CERS3: variants seen among roughly 807,000 people sequenced by gnomAD.
CERS3 encodes ceramide synthase 3.
CERS3 carries 33 observed loss-of-function variants against 50.3 expected under a neutral mutation model. The ratio of observed to expected loss-of-function variants is 0.66; its 90% CI spans 0.50 to 0.88. CERS3 has a LOEUF of 0.88. Ranked by LOEUF, CERS3 falls within the 40% of genes least tolerant of loss-of-function variation. The pLI, the probability that CERS3 is intolerant of heterozygous loss-of-function variation, is 0.00. For missense variants in CERS3, 470 were observed against 460.3 expected (o/e 1.02, Z -0.19); for synonymous variants, 176 against 155.2 (o/e 1.13, Z -0.99).
intron 3 of CERS3, among the ~76,000 whole-genome samples, chr15:100,499,374 CAAAAACA>C (rs2035930868): frequency 6.6e-6 from 1 of 152,040 alleles, no homozygotes; most frequent in Admixed American, 6.5e-5. Flanking sequence ...CACACACACA[CAAAAACA>C]AAAAACAAAA....
intron 10 of CERS3, among the ~76,000 whole-genome samples, chr15:100,463,435 G>GAAAAA (rs71151951): frequency 1.2e-4 from 11 of 92,632 alleles, no homozygotes; most frequent in African/African-American, 4.4e-4. Flanking sequence ...CTCTGTCTCA[G>GAAAAA]AAAAAAAAAA....
At chr15:100,529,146 C>G (rs2036877774), upstream of CERS3, 1 of 152,190 alleles carries the variant, frequency 6.6e-6, no homozygotes, top group Non-Finnish European at 1.5e-5. Context: ...ATCGTTGTTG[C>G]CTTTTGGTGC....
intron 1 of CERS3, among the ~76,000 whole-genome samples, chr15:100,523,174 GTCTA>G (rs772555124): frequency 5.3e-5 from 8 of 152,108 alleles, no homozygotes; most frequent in Non-Finnish European, 8.8e-5. Flanking sequence ...TGTTGTGGCG[GTCTA>G]TCTTTCAAAA....
intron 10 of CERS3, among the ~76,000 whole-genome samples, chr15:100,459,160 T>G (rs974159): frequency 6.6e-6 from 1 of 152,224 alleles, no homozygotes; most frequent in Admixed American, 6.5e-5. Flanking sequence ...ACCCCTACTA[T>G]GTATCACCAT....
intron 2 of CERS3, among the ~76,000 whole-genome samples, chr15:100,514,247 T>C (rs1022065265): frequency 4.6e-5 from 7 of 152,320 alleles, no homozygotes; most frequent in Admixed American, 3.3e-4. Flanking sequence ...AGTCAAACTA[T>C]TAAATACCAT....
chr15:100,487,283 G>A (rs544856971), intron 4 of CERS3, among the ~76,000 whole-genome samples: 1 of 152,204 alleles, frequency 6.6e-6, no homozygotes, highest in Middle Eastern at 3.2e-3. Context: ...CAGGCACAAA[G>A]TTAATGGTAC....
intron 2 of CERS3, among the ~76,000 whole-genome samples, chr15:100,513,619 C>T (rs2036413901): frequency 1.3e-5 from 2 of 150,114 alleles, no homozygotes; most frequent in Non-Finnish European, 1.5e-5. Context: ...CTCACTGAAG[C>T]CTTGACTTTC....
chr15:100,442,099 G>T (rs964049312), intron 11 of CERS3, among the ~76,000 whole-genome samples: 2 of 152,114 alleles, frequency 1.3e-5, no homozygotes, highest in African/African-American at 4.8e-5. Context: ...TAAAAAGGTG[G>T]CTGGAGAGCT....
At chr15:100,485,638 G>A (rs1329423460) in intron 4 of CERS3, among the ~76,000 whole-genome samples, 2 of 152,182 alleles carry the variant, frequency 1.3e-5, no homozygotes, top group Non-Finnish European at 2.9e-5. Flanking sequence ...CACTTTGGGA[G>A]GCCGAGAAGG....
chr15:100,522,577 T>C (rs2036668742), intron 1 of CERS3, among the ~76,000 whole-genome samples: 1 of 152,252 alleles, frequency 6.6e-6, no homozygotes, highest in Non-Finnish European at 1.5e-5. Context: ...TCCTGGCATC[T>C]GGATTCTTTC....
chr15:100,406,409 A>G (rs1223433633), intron 11 of CERS3, among the ~76,000 whole-genome samples: 1 of 152,200 alleles, frequency 6.6e-6, no homozygotes, highest in Non-Finnish European at 1.5e-5. Context: ...CTCAGCATAT[A>G]TGTAACCAAA....
At chr15:100,442,804 G>A (rs1310228642) in intron 11 of CERS3, among the ~76,000 whole-genome samples, 10 of 152,176 alleles carry the variant, frequency 6.6e-5, no homozygotes, top group South Asian at 6.2e-4. Context: ...AGACCATCAC[G>A]GACGCCGAGC....
chr15:100,423,296 C>G (rs2032584473), intron 11 of CERS3, among the ~76,000 whole-genome samples: 1 of 152,136 alleles, frequency 6.6e-6, no homozygotes, highest in African/African-American at 2.4e-5. Context: ...ATAAATTGTT[C>G]TACCAAAAAG....
At chr15:100,514,310 C>A (rs376677129) in intron 2 of CERS3, among the ~76,000 whole-genome samples, 32 of 152,264 alleles carry the variant, frequency 2.1e-4, no homozygotes, top group Non-Finnish European at 4.1e-4. Context: ...TCCTAAAATT[C>A]TTTAATTGAC....
intron 11 of CERS3, among the ~76,000 whole-genome samples, chr15:100,409,859 C>T (rs1324238266): frequency 6.6e-6 from 1 of 152,278 alleles, no homozygotes; most frequent in Admixed American, 6.5e-5. Flanking sequence ...ATCCAAAACC[C>T]TCTTTGAAGA....
chr15:100,479,667 T>C (rs565997232), intron 6 of CERS3, among the ~76,000 whole-genome samples, 189 bp from the exon 7 acceptor site: 1 of 152,308 alleles, frequency 6.6e-6, no homozygotes, highest in African/African-American at 2.4e-5. Context: ...GACTATTTCT[T>C]ACATATTCCT....
At chr15:100,477,232 G>C (rs888198073) in intron 7 of CERS3, among the ~76,000 whole-genome samples, 1 of 152,222 alleles carries the variant, frequency 6.6e-6, no homozygotes, top group Non-Finnish European at 1.5e-5. Context: ...ATATGAGTAA[G>C]TTGGAGACAG....
rs549131737 is a variant in CERS3 at position 100,442,250 on chromosome 15, C to T, written c.999+13643G>A. ...CCTGAGACACTTTACAGCCCTAGACCCTAAAAGGTCAAAAGGGCCGTCTTA... is the reference window on the plus strand; with the variant it reads ...CCTGAGACACTTTACAGCCCTAGACTCTAAAAGGTCAAAAGGGCCGTCTTA... On this transcript the variant is annotated intron_variant, in intron 11 of 11. Coordinates refer to ENST00000679737, the MANE Select transcript of CERS3 (RefSeq NM_001378789.1). 2.2e-3 allele frequency among the ~76,000 whole-genome samples: 334 copies of T among 152,232 alleles called. 2 individuals are homozygous for T. Among genetic ancestry groups the T allele is most frequent in the African/African-American group, 7.6e-3 (315 of 41,524 alleles).
intron 11 of CERS3, among the ~76,000 whole-genome samples, chr15:100,414,615 A>T (rs1384016639): frequency 1.3e-5 from 2 of 152,164 alleles, no homozygotes; most frequent in East Asian, 1.9e-4. Flanking sequence ...AGACCTCAGA[A>T]ATAATACCAC....
Sources: gnomAD v4.1 joint callset for allele counts (sites outside exome capture counted in the v4.1 genomes callset) on GRCh38, gnomAD v4.1.1 for gene constraint, MANE v1.5 for transcripts, NCBI Gene and HGNC (gene_info 2026-07-23, HGNC 2026-07-21) for gene names.